Variants in INF2 observed in about 807,000 individuals in gnomAD.
INF2 encodes the protein inverted formin 2, also known as inverted formin-2.
Under a neutral mutation model 123.5 loss-of-function variants are expected in INF2, and 43 were observed. The observed-to-expected ratio is 0.35, with a 90% confidence interval of 0.27 to 0.45. INF2 has a LOEUF of 0.45. INF2 is among the 20% of genes least tolerant of loss of function. The pLI is 1.00. For missense variants in INF2, 1,453 were observed against 1,682.7 expected (o/e 0.86, Z 2.39); for synonymous variants, 851 against 745.0 (o/e 1.14, Z -2.32).
intron 17 of INF2, 43 bp from the exon 18 acceptor site, chr14:104,712,785 C>T (rs759341928): frequency 1.1e-4 from 170 of 1,559,470 alleles, no homozygotes; most frequent in Admixed American, 3.7e-4. Context: ...GGGTGGTGCC[C>T]GCGCGGGGCT....
chr14:104,681,207 T>G (rs1595143547), exon 1 of INF2: 3 of 317,240 alleles, frequency 9.5e-6, no homozygotes, highest in South Asian at 5.2e-5. Flanking sequence ...GGGCGAGGAG[T>G]AAGGACCCCA....
At chr14:104,704,323 G>T in intron 5 of INF2, 1 of 497,182 alleles carries the variant, frequency 2.0e-6, no homozygotes, top group Non-Finnish European at 3.3e-6. Context: ...ATGGAGACAG[G>T]GACACGGGCT....
intron 1 of INF2, among the ~76,000 whole-genome samples, chr14:104,682,496 C>T (rs547744106): frequency 3.9e-5 from 6 of 152,194 alleles, no homozygotes; most frequent in South Asian, 4.1e-4. Context: ...GGCGGGAGGG[C>T]GGCAGGGAGC....
intron 1 of INF2, among the ~76,000 whole-genome samples, chr14:104,694,615 G>A (rs930354212): frequency 6.6e-6 from 1 of 152,222 alleles, no homozygotes; most frequent in African/African-American, 2.4e-5. Context: ...GGAACCAGGA[G>A]ATCCTATGGG....
At chr14:104,712,656 G>A (rs1477342318) in intron 17 of INF2, 103 bp downstream of exon 17, 1 of 1,569,352 alleles carries the variant, frequency 6.4e-7, no homozygotes, top group Non-Finnish European at 8.7e-7. Context: ...GGATCCTGGG[G>A]CCCGAGTTTC....
At position 104,722,243 on chromosome 14, in the gene INF2, G is replaced by T. The variant is rs575844913; in HGVS notation, c.*3450G>T. On this transcript the variant is annotated 3_prime_UTR_variant, in exon 23 of 23. Transcript: ENST00000392634. ...GCCCCAACTCCCTGCCCCTACCCGG[G>T]CCCGTGGCTATTTATAGTCCGGGCC... 6.6e-6 allele frequency: 1 copy of T among 152,408 alleles called. No homozygotes were observed. The highest frequency in any genetic ancestry group is 2.4e-5 in the African/African-American group (1 of 41,572). 9.4% of individuals were successfully genotyped at this position (152,408 alleles called of 1,614,324 possible).
At position 104,707,854 on chromosome 14, in the gene INF2, C is replaced by G. The variant is rs755649066; in HGVS notation, c.1587C>G (p.Pro529=). Residue 529 remains proline (P), a synonymous_variant, in exon 8 of 23, where the codon CCC becomes CCG. Coordinates refer to ENST00000392634, the MANE Select transcript of INF2 (RefSeq NM_022489.4). The part of the protein sequence containing the change: ...PPLLPCTCSP[P]VAGGMEEVIV... ...TACTGCCCTGCACCTGCAGCCCCCC[C>G]GTGGCGGGAGGCATGGAGGAGGTCA... The G allele has an allele frequency of 2.5e-6, 4 of 1,605,662 alleles. No homozygotes were observed. The South Asian group carries it at 4.4e-5, about 18-fold the overall frequency.
Position 104,719,594 on chromosome 14 carries a change from AAGC to A in INF2, c.*804_*806del, listed in dbSNP as rs1890472249. The A allele has an allele frequency of 1.3e-5, 2 of 152,184 alleles. No individual in the cohort carries two copies. Among genetic ancestry groups the A allele is most frequent in the African/African-American group, 4.8e-5 (2 of 41,440 alleles). The allele number at this position is 152,184 out of a possible 1,614,324, so 9.4% of individuals were successfully genotyped here. A position where few individuals can be genotyped will look rare whatever the true frequency, so the allele number is the denominator to read the frequency against. ...GGCGGCTGGATGCGTGGCCAATAAA[AAGC>A]AGACCTAGCCCGGTGTGCGACTGTC... On this transcript the variant is annotated 3_prime_UTR_variant, in exon 23 of 23. Transcript: ENST00000392634.
Position 104,701,804 on chromosome 14 carries a change from G to A in INF2, c.391+48G>A, listed in dbSNP as rs578241505. 5 of 1,442,822 alleles carry A rather than the reference G, an allele frequency of 3.5e-6. No individual in the cohort carries two copies. The South Asian group carries it at 7.3e-5, about 21-fold the overall frequency. 89.4% of individuals were successfully genotyped at this position (1,442,822 alleles called of 1,614,324 possible). A position where few individuals can be genotyped will look rare whatever the true frequency, so the allele number is the denominator to read the frequency against. ...CGCCCAGGCGGACGCTGGGGACCTG[G>A]TATGAGGCTTCAGGCCCAAAAGGCC... is the stretch of plus-strand genomic sequence containing the variant. On this transcript the variant is annotated intron_variant, in intron 2 of 22. Transcript: ENST00000392634.
chr14:104,701,311 G>T (rs1889477070), intron 1 of INF2, 46 bp from the exon 2 acceptor site: 2 of 1,533,090 alleles, frequency 1.3e-6, no homozygotes, highest in South Asian at 1.2e-5. Context: ...CAGGAGGACA[G>T]CCCCCATCCC....
chr14:104,718,644 G>A, intron 22 of INF2, 151 bp from the exon 23 acceptor site: 1 of 1,399,676 alleles, frequency 7.1e-7, no homozygotes, highest in Non-Finnish European at 9.6e-7. Context: ...CAGAGAAAGA[G>A]CCTGGGGTCA....
intron 1 of INF2, 144 bp downstream of exon 1, chr14:104,689,883 G>C (rs979699674): frequency 2.6e-6 from 1 of 382,182 alleles, no homozygotes; most frequent in African/African-American, 2.2e-5. Context: ...GCGGCGCAGG[G>C]TACAGTTCCC....
rs1595174572 is a variant in INF2 at position 104,710,258 on chromosome 14, G to C, written c.2239+70G>C. 12 of 1,143,628 alleles carry C rather than the reference G, an allele frequency of 1.0e-5. No homozygotes were observed. The South Asian group carries it at 1.5e-4, about 14-fold the overall frequency. 70.8% of individuals were successfully genotyped at this position (1,143,628 alleles called of 1,614,324 possible). On this transcript the variant is annotated intron_variant, in intron 13 of 22. Transcript: ENST00000392634. Reference sequence around the variant, plus strand: ...CCGAACCGGGGCGGGAGGGCTGCTCGGGGCCCCTGCTACTGCCAGTATCAT... The same window carrying C: ...CCGAACCGGGGCGGGAGGGCTGCTCCGGGCCCCTGCTACTGCCAGTATCAT...
Position 104,707,455 on chromosome 14 carries a change from C to T in INF2, c.1188C>T (p.Pro396=), listed in dbSNP as rs747696039. 30 of 1,560,114 alleles carry T rather than the reference C, an allele frequency of 1.9e-5. No homozygotes were observed. Among genetic ancestry groups the T allele is most frequent in the East Asian group, 4.8e-5 (2 of 41,440 alleles). ...CAGCAGCAGCTGCTGCCTGCGAGCC[C>T]GTGGACCACGCCCAGAGTGAGAGCA... ...QQPAAAAACE[P]VDHAQSESIL... The change falls in exon 8 of 23, where the codon CCC becomes CCT. Residue 396 remains proline, a synonymous_variant. Transcript: ENST00000392634.
intron 1 of INF2, chr14:104,683,962 T>G (rs1420054311): frequency 2.3e-6 from 1 of 444,130 alleles, no homozygotes; most frequent in Non-Finnish European, 4.5e-6. Context: ...ACTTCCCTGC[T>G]CTCAAAGGAG....
chr14:104,715,259 G>A, intron 21 of INF2, 25 bp from the exon 22 acceptor site: 1 of 1,612,452 alleles, frequency 6.2e-7, no homozygotes, highest in Non-Finnish European at 8.5e-7. Context: ...AAGCCGTTGA[G>A]TGCGTTTCTT....
Position 104,689,663 on chromosome 14 carries a change from C to T in INF2, c.-86C>T, listed in dbSNP as rs935103956. On this transcript the variant is annotated 5_prime_UTR_variant, in exon 1 of 23. Coordinates refer to ENST00000392634, the MANE Select transcript of INF2 (RefSeq NM_022489.4). ...CCTTGCGGAGCGCGGCAGTGGGCGC[C>T]GGCTGCCCGCAGCCCCTGACCCGGC... 1.9e-5 allele frequency: 19 copies of T among 983,328 alleles called. No individual in the cohort carries two copies. The highest frequency in any genetic ancestry group is 3.5e-5 in the African/African-American group (2 of 57,186). The allele number at this position is 983,328 out of a possible 1,614,324, so 60.9% of individuals were successfully genotyped here.
chr14:104,711,493 A>G, intron 15 of INF2, 136 bp from the exon 16 acceptor site: 1 of 793,268 alleles, frequency 1.3e-6, no homozygotes, highest in Non-Finnish European at 2.2e-6. Context: ...CCCAAGGGAA[A>G]GATTTGAGGG....
At chr14:104,691,212 T>G (rs1888933149) in intron 1 of INF2, 1 of 152,220 alleles carries the variant, frequency 6.6e-6, no homozygotes, top group East Asian at 1.9e-4. Flanking sequence ...ACGTGGAAGC[T>G]CCTACCTGAA....
Sources: allele counts gnomAD v4.1 joint callset (sites outside exome capture counted in the v4.1 genomes callset), GRCh38; gene constraint gnomAD v4.1.1; transcripts MANE v1.5; gene names NCBI Gene and HGNC (gene_info 2026-07-23, HGNC 2026-07-21).